TNIK: variants seen among roughly 807,000 people sequenced by gnomAD.
TNIK encodes TRAF2 and NCK interacting kinase, also known as TRAF2 and NCK-interacting protein kinase.
TNIK carries 49 observed loss-of-function variants against 191.3 expected under a neutral mutation model. The observed-to-expected ratio is 0.26, with a 90% CI of 0.20 to 0.32. The LOEUF (loss-of-function observed/expected upper bound fraction) is 0.32. TNIK is among the 10% of genes least tolerant of loss of function. TNIK has a pLI of 1.00. For synonymous variants in TNIK, 594 were observed against 600.9 expected (o/e 0.99, Z 0.17); for missense variants, 1,155 against 1,702.3 (o/e 0.68, Z 5.66).
chr3:171,250,561 G>A (rs559354367), intron 2 of TNIK, among the ~76,000 whole-genome samples: 49 of 152,310 alleles, frequency 3.2e-4, no homozygotes, highest in Middle Eastern at 3.4e-3. Flanking sequence ...CTAAAGCCAT[G>A]CAGCTAGCTC....
intron 7 of TNIK, 116 bp downstream of exon 7, chr3:171,188,583 AATG>A: frequency 7.7e-7 from 1 of 1,293,276 alleles, no homozygotes; most frequent in Non-Finnish European, 1.0e-6. Context: ...AAACTCAAAT[AATG>A]TTTTTCAGTT....
intron 9 of TNIK, among the ~76,000 whole-genome samples, chr3:171,173,461 G>C (rs1560215404): frequency 6.6e-6 from 1 of 151,968 alleles, no homozygotes; most frequent in Non-Finnish European, 1.5e-5. Context: ...ACTGACACCA[G>C]CTTCTGAGTT....
At chr3:171,279,408 G>A (rs115272618) in intron 2 of TNIK, among the ~76,000 whole-genome samples, 3,221 of 152,104 alleles carry the variant, frequency 0.021, 48 homozygotes, top group Middle Eastern at 0.037. Context: ...ATTGTTTTTA[G>A]ACACAGAACT....
chr3:171,079,423 T>G, intron 28 of TNIK, 95 bp downstream of exon 28: 1 of 1,430,322 alleles, frequency 7.0e-7, no homozygotes, highest in Non-Finnish European at 9.4e-7. Context: ...CACACATGCA[T>G]CATCAATCTG....
intron 10 of TNIK, among the ~76,000 whole-genome samples, chr3:171,166,169 T>A (rs568385268): frequency 6.6e-6 from 1 of 152,204 alleles, no homozygotes; most frequent in Non-Finnish European, 1.5e-5. Flanking sequence ...TCATGAGTTG[T>A]TAATTGGAAT....
chr3:171,282,877 C>T (rs1750620393), intron 2 of TNIK, among the ~76,000 whole-genome samples: 1 of 152,020 alleles, frequency 6.6e-6, no homozygotes, highest in South Asian at 2.1e-4. Context: ...GGGCAGAATC[C>T]TAATCTTACA....
intron 1 of TNIK, among the ~76,000 whole-genome samples, chr3:171,387,758 T>C (rs759031905): frequency 6.6e-6 from 1 of 152,224 alleles, no homozygotes; most frequent in Non-Finnish European, 1.5e-5. Flanking sequence ...TGTAGGATTA[T>C]GAATTTCAAA....
chr3:171,233,817 G>A (rs1243591152), intron 2 of TNIK, among the ~76,000 whole-genome samples: 1 of 152,186 alleles, frequency 6.6e-6, no homozygotes, highest in African/African-American at 2.4e-5. Flanking sequence ...TTGCGTTTGG[G>A]TTCTTGGTAC....
In TNIK at chr3:171,061,687, A is replaced by T. The variant is rs1261693959; in HGVS notation, c.*2194T>A. On this transcript the variant is annotated 3_prime_UTR_variant, in exon 33 of 33. Coordinates refer to ENST00000436636, the MANE Select transcript of TNIK (RefSeq NM_015028.4). ...GTTTAAAATACCACAGCAGCAATAT[A>T]AAGAGCTGGTGGCAATCACATTCGG... 1 of 152,244 alleles carries T rather than the reference A, an allele frequency of 6.6e-6. No individual in the cohort carries two copies. The highest frequency in any genetic ancestry group is 2.4e-5 in the African/African-American group (1 of 41,470). 9.4% of individuals were successfully genotyped at this position (152,244 alleles called of 1,614,324 possible). A position where few individuals can be genotyped will look rare whatever the true frequency, so the allele number is the denominator to read the frequency against.
At chr3:171,334,373 G>C (rs1358912308) in intron 2 of TNIK, among the ~76,000 whole-genome samples, 1 of 152,144 alleles carries the variant, frequency 6.6e-6, no homozygotes, top group Non-Finnish European at 1.5e-5. Flanking sequence ...CAGAATGTTG[G>C]AAAAGATGCC....
At chr3:171,065,444 A>G (rs1014477327) in intron 32 of TNIK, among the ~76,000 whole-genome samples, 18 of 152,222 alleles carry the variant, frequency 1.2e-4, no homozygotes, top group Non-Finnish European at 2.1e-4. Context: ...ATAGGCGTTT[A>G]TGTCTGTGGC....
intron 1 of TNIK, among the ~76,000 whole-genome samples, chr3:171,413,622 C>A (rs533201240): frequency 6.6e-6 from 1 of 152,130 alleles, no homozygotes; most frequent in East Asian, 1.9e-4. Flanking sequence ...CCCATTAATC[C>A]ATTTTGTTTT....
At chr3:171,346,952 A>T in intron 2 of TNIK, 1 of 529,150 alleles carries the variant, frequency 1.9e-6, no homozygotes, top group Non-Finnish European at 3.3e-6. Flanking sequence ...TAAGCATTTT[A>T]ATATGACTTT....
At chr3:171,413,366 T>G (rs1025148729) in intron 1 of TNIK, among the ~76,000 whole-genome samples, 37 of 152,190 alleles carry the variant, frequency 2.4e-4, no homozygotes, top group African/African-American at 8.4e-4. Context: ...TCCATTCTAA[T>G]GCTATCACAC....
chr3:171,352,604 A>T (rs1177667769), intron 2 of TNIK, among the ~76,000 whole-genome samples: 1 of 152,202 alleles, frequency 6.6e-6, no homozygotes, highest in African/African-American at 2.4e-5. Context: ...CAGTTTAATG[A>T]ACCAAGTACA....
At chr3:171,392,338 G>A (rs1719643290) in intron 1 of TNIK, among the ~76,000 whole-genome samples, 2 of 152,280 alleles carry the variant, frequency 1.3e-5, no homozygotes, top group Non-Finnish European at 1.5e-5. Context: ...GTCTAAACTG[G>A]TGGCTATGAG....
chr3:171,157,368 C>T, intron 12 of TNIK, 92 bp downstream of exon 12: 1 of 1,455,758 alleles, frequency 6.9e-7, no homozygotes, highest in Middle Eastern at 2.4e-4. Context: ...GCTCTGTGTG[C>T]TCACAGGTGG....
In TNIK at chr3:171,387,615, T is replaced by C. The variant is rs146134979; in HGVS notation, c.58-17930A>G. 7.5e-3 allele frequency among the ~76,000 whole-genome samples: 1,139 copies of C among 152,316 alleles called. 11 individuals carry two copies. Among genetic ancestry groups the C allele is most frequent in the African/African-American group, 0.026 (1,076 of 41,574 alleles). Reference sequence around the variant, plus strand: ...GTCTGGGGATATTTTTAGGAAGAGATGGATTTTGTGCAGCTGATTATTAAG... The same window carrying C: ...GTCTGGGGATATTTTTAGGAAGAGACGGATTTTGTGCAGCTGATTATTAAG... On this transcript the variant is annotated intron_variant, in intron 1 of 32. Coordinates refer to ENST00000436636, the MANE Select transcript of TNIK (RefSeq NM_015028.4).
At chr3:171,310,826 A>T (rs1255514413) in intron 2 of TNIK, among the ~76,000 whole-genome samples, 1 of 152,172 alleles carries the variant, frequency 6.6e-6, no homozygotes, top group Non-Finnish European at 1.5e-5. Context: ...AAAAACAAAC[A>T]AACAAACAAA....
Sources: gnomAD v4.1 joint callset for allele counts (sites outside exome capture counted in the v4.1 genomes callset) on GRCh38, gnomAD v4.1.1 for gene constraint, MANE v1.5 for transcripts, NCBI Gene and HGNC (gene_info 2026-07-23, HGNC 2026-07-21) for gene names.